The following FMN1 variants were observed in gnomAD, a reference collection of about 807,000 sequenced individuals.
FMN1 encodes formin-1.
FMN1 carries 110 observed loss-of-function variants against 132.4 expected under a neutral mutation model. The observed-to-expected ratio is 0.83, with a 90% CI of 0.71 to 0.97. The LOEUF (loss-of-function observed/expected upper bound fraction) is 0.97. FMN1 is among the 50% of genes least tolerant of loss of function. The probability of loss-of-function intolerance (pLI) is 0.00; values close to 1 mark genes in which losing one functional copy is unlikely to be tolerated. For synonymous variants in FMN1, 722 were observed against 651.7 expected, an observed-to-expected ratio of 1.11 and a Z score of -1.64; for missense variants, 1,792 against 1,705.3, an observed-to-expected ratio of 1.05 and a Z score of -0.90.
intron 6 of FMN1, among the ~76,000 whole-genome samples, chr15:33,027,672 CT>C (rs1456991054): frequency 6.6e-6 from 1 of 151,270 alleles, no homozygotes; most frequent in African/African-American, 2.5e-5. Context: ...TGATAACCGA[CT>C]TTCTCATAAC....
chr15:33,128,114 G>A (rs1963286192), intron 4 of FMN1, among the ~76,000 whole-genome samples: 1 of 151,540 alleles, frequency 6.6e-6, no homozygotes, highest in Non-Finnish European at 1.5e-5. Flanking sequence ...GAAGGGAGAG[G>A]AGACACCATG....
chr15:33,019,545 G>A (rs913578525), intron 6 of FMN1, among the ~76,000 whole-genome samples: 9 of 152,160 alleles, frequency 5.9e-5, no homozygotes, highest in East Asian at 1.9e-4. Context: ...GGCGCTTGTC[G>A]GGGAGGCTCT....
chr15:33,121,244 T>C (rs1482631446), intron 4 of FMN1, among the ~76,000 whole-genome samples: 1 of 152,218 alleles, frequency 6.6e-6, no homozygotes, highest in Non-Finnish European at 1.5e-5. Context: ...AAAAGTATTC[T>C]GCAAATAAAA....
chr15:32,972,553 C>G (rs79804251), intron 7 of FMN1, among the ~76,000 whole-genome samples: 8,556 of 152,248 alleles, frequency 0.056, 289 homozygotes, highest in Middle Eastern at 0.095. Context: ...GACTGTTGCA[C>G]AAGCATTGAA....
At chr15:33,070,758 ACAT>A (rs1423383987) in intron 5 of FMN1, among the ~76,000 whole-genome samples, 11 of 152,234 alleles carry the variant, frequency 7.2e-5, no homozygotes, top group Non-Finnish European at 1.6e-4. Context: ...GTGGGGAATA[ACAT>A]CATCTAAGAT....
Position 33,051,695 on chromosome 15 carries a change from G to T in FMN1, c.2161+13262C>A, listed in dbSNP as rs976737606. On this transcript the variant is annotated intron_variant, in intron 6 of 20. Coordinates refer to ENST00000616417, the MANE Select transcript of FMN1 (RefSeq NM_001277313.2). ...TCCTCTAGAAACGCTTGACTGGTTA[G>T]GGAAAAATGCCTCAAGTGAGCACGT... Among the ~76,000 whole-genome samples the T allele has an allele frequency of 1.2e-4, 18 of 152,158 alleles. 1 individual carries two copies. The highest frequency in any genetic ancestry group is 1.0e-3 in the Admixed American group (16 of 15,276).
intron 6 of FMN1, among the ~76,000 whole-genome samples, chr15:33,013,340 C>T (rs2034843735): frequency 6.6e-6 from 1 of 152,174 alleles, no homozygotes; most frequent in African/African-American, 2.4e-5. Context: ...AGTGGTTTGT[C>T]TGCACCCATG....
chr15:33,039,618 G>T (rs944881285), intron 6 of FMN1, among the ~76,000 whole-genome samples: 1 of 152,088 alleles, frequency 6.6e-6, no homozygotes, highest in Non-Finnish European at 1.5e-5. Flanking sequence ...TCTGCCCCAG[G>T]CCAGGCAAAT....
At chr15:33,113,268 A>T (rs2039782063) in intron 4 of FMN1, among the ~76,000 whole-genome samples, 1 of 152,180 alleles carries the variant, frequency 6.6e-6, no homozygotes, top group African/African-American at 2.4e-5. Context: ...GAATTCAAAC[A>T]ACTTCAGTGA....
chr15:33,125,544 A>G (rs1414047698), intron 4 of FMN1, among the ~76,000 whole-genome samples: 2 of 152,180 alleles, frequency 1.3e-5, no homozygotes, highest in African/African-American at 4.8e-5. Flanking sequence ...TACAGCTTAA[A>G]AAAATTCAGA....
rs2059942371 is a variant in FMN1, at chr15:32,888,307, A to G, written c.3715-15T>C. 2 of 1,596,772 alleles carry G rather than the reference A, an allele frequency of 1.3e-6. No individual in the cohort carries two copies. Among genetic ancestry groups the G allele is most frequent in the South Asian group, 1.1e-5 (1 of 87,548 alleles). On this transcript the variant is annotated splice_polypyrimidine_tract_variant and intron_variant, in intron 15 of 20. Coordinates refer to ENST00000616417, the MANE Select transcript of FMN1 (RefSeq NM_001277313.2). ...GTTCCAGCTTCCTAAGAGATATGGT[A>G]AACAAAAGTACATTATACTTCCCAA...
intron 16 of FMN1, among the ~76,000 whole-genome samples, chr15:32,880,309 AGTTT>A (rs893444674): frequency 3.3e-5 from 5 of 151,728 alleles, no homozygotes; most frequent in African/African-American, 7.3e-5. Flanking sequence ...TTTCTGATTT[AGTTT>A]GTTTTCTATG....
At chr15:32,958,288 G>A (rs971329971) in intron 9 of FMN1, among the ~76,000 whole-genome samples, 3 of 152,142 alleles carry the variant, frequency 2.0e-5, no homozygotes, top group Middle Eastern at 3.4e-3. Flanking sequence ...TAAATCACCC[G>A]AATAAAAGTT....
intron 4 of FMN1, among the ~76,000 whole-genome samples, chr15:33,112,519 A>G (rs2039749397): frequency 6.6e-6 from 1 of 152,186 alleles, no homozygotes; most frequent in African/African-American, 2.4e-5. Flanking sequence ...TGCCGAACCT[A>G]AGAGCATTCG....
At chr15:32,774,990 G>C (rs760906451) in intron 20 of FMN1, among the ~76,000 whole-genome samples, 1 of 152,122 alleles carries the variant, frequency 6.6e-6, no homozygotes, top group East Asian at 1.9e-4. Context: ...GACCCCCATG[G>C]TATCTGTGAC....
At chr15:32,917,737 T>C (rs2060718815) in intron 10 of FMN1, among the ~76,000 whole-genome samples, 1 of 152,192 alleles carries the variant, frequency 6.6e-6, no homozygotes, top group African/African-American at 2.4e-5. Context: ...TGTCAGGCTA[T>C]AAATAATCAT....
chr15:32,838,516 T>G (rs928255461), intron 17 of FMN1, among the ~76,000 whole-genome samples: 23 of 152,074 alleles, frequency 1.5e-4, no homozygotes, highest in African/African-American at 5.3e-4. Flanking sequence ...AGCCGTGGGG[T>G]TACGAGTGAC....
chr15:33,154,778 C>T lies in FMN1; in HGVS notation c.137G>A (p.Gly46Asp), dbSNP rs953164310. The change falls in exon 4 of 21, where the codon GGT becomes GAT. Residue 46 changes from glycine (G) to aspartate (D), a missense_variant. Around this residue, in one of 3 missense-constraint regions of FMN1, gnomAD observed 638 missense variants for 645.2 expected, o/e 0.99. Coordinates refer to ENST00000616417, the MANE Select transcript of FMN1 (RefSeq NM_001277313.2). ...GTVTLDRSNKGFHNCYQVREE... is the reference protein window; with the variant it reads ...GTVTLDRSNKDFHNCYQVREE... Reference sequence around the variant, plus strand: ...CCTGACTTGGTAGCAGTTATGAAAACCTTTATTGGATCTGTCTAGAGTTAC... The same window carrying T: ...CCTGACTTGGTAGCAGTTATGAAAATCTTTATTGGATCTGTCTAGAGTTAC... The T allele has an allele frequency of 2.0e-6, 3 of 1,535,970 alleles. No individual in the cohort carries two copies. In the African/African-American group the frequency reaches 4.1e-5, roughly 21 times the overall value.
intron 6 of FMN1, among the ~76,000 whole-genome samples, chr15:33,056,168 T>C (rs1268931552): frequency 6.6e-6 from 1 of 152,242 alleles, no homozygotes; most frequent in Non-Finnish European, 1.5e-5. Context: ...AATCCAGATA[T>C]GCCCTATTAC....
Sources: allele counts gnomAD v4.1 joint callset (sites outside exome capture counted in the v4.1 genomes callset), GRCh38; gene constraint gnomAD v4.1.1; regional missense constraint gnomAD v4.1.1; transcripts MANE v1.5; gene names NCBI Gene and HGNC (gene_info 2026-07-23, HGNC 2026-07-21).